SH3RF3: variants seen among roughly 807,000 people sequenced by gnomAD.
SH3RF3 encodes the protein SH3 domain containing ring finger 3.
SH3RF3 carries 29 observed loss-of-function variants against 66.3 expected under a neutral mutation model. The ratio of observed to expected loss-of-function variants is 0.44; its 90% CI spans 0.33 to 0.60. The LOEUF (loss-of-function observed/expected upper bound fraction) is 0.60, where lower values mean the gene tolerates loss of function less well. Ranked by LOEUF, SH3RF3 falls within the 20% of genes least tolerant of loss-of-function variation. SH3RF3 has a pLI of 0.04. For missense variants in SH3RF3, 1,194 were observed against 1,190.9 expected, an observed-to-expected ratio of 1.00 and a Z score of -0.04; for synonymous variants, 583 against 532.0, an observed-to-expected ratio of 1.10 and a Z score of -1.32.
intron 4 of SH3RF3, among the ~76,000 whole-genome samples, chr2:109,405,949 A>C (rs1169661602): frequency 6.6e-6 from 1 of 152,210 alleles, no homozygotes; most frequent in Non-Finnish European, 1.5e-5. Context: ...CTTGTACATA[A>C]AGCAGCATGG....
At chr2:109,381,797 T>C (rs1573206927) in intron 3 of SH3RF3, among the ~76,000 whole-genome samples, 1 of 152,154 alleles carries the variant, frequency 6.6e-6, no homozygotes, top group East Asian at 1.9e-4. Context: ...TTGGATTTTA[T>C]GGCTCGCAGG....
intron 1 of SH3RF3, among the ~76,000 whole-genome samples, chr2:109,194,389 G>C (rs975101698): frequency 1.3e-5 from 2 of 152,222 alleles, no homozygotes; most frequent in African/African-American, 4.8e-5. Flanking sequence ...GCTTCCCAGT[G>C]GGCTGGGCCT....
At chr2:109,262,762 T>C (rs1680386699) in intron 1 of SH3RF3, among the ~76,000 whole-genome samples, 1 of 152,200 alleles carries the variant, frequency 6.6e-6, no homozygotes. Context: ...TATTGGAAAA[T>C]ATATTACATT....
At chr2:109,368,885 C>T (rs556894115) in intron 2 of SH3RF3, among the ~76,000 whole-genome samples, 2 of 152,144 alleles carry the variant, frequency 1.3e-5, no homozygotes, top group Admixed American at 6.5e-5. Context: ...TATGTGACAG[C>T]GAAGCCTTAG....
At chr2:109,365,830 A>T (rs1052333513) in intron 2 of SH3RF3, among the ~76,000 whole-genome samples, 1 of 152,222 alleles carries the variant, frequency 6.6e-6, no homozygotes, top group African/African-American at 2.4e-5. Flanking sequence ...CATCGCAGGT[A>T]TCCATCCCTT....
chr2:109,461,725 A>G (rs577999269), intron 8 of SH3RF3, among the ~76,000 whole-genome samples: 2 of 152,322 alleles, frequency 1.3e-5, no homozygotes, highest in African/African-American at 4.8e-5. Flanking sequence ...TGTCTGCCAC[A>G]ATAGTGCCTC....
At chr2:109,164,779 G>T (rs1677576474) in intron 1 of SH3RF3, among the ~76,000 whole-genome samples, 1 of 152,158 alleles carries the variant, frequency 6.6e-6, no homozygotes, top group Non-Finnish European at 1.5e-5. Context: ...GCCCTGGCAA[G>T]CTGGCAAAAA....
intron 1 of SH3RF3, among the ~76,000 whole-genome samples, chr2:109,346,682 T>G (rs193290173): frequency 7.0e-4 from 106 of 152,144 alleles, no homozygotes; most frequent in Admixed American, 2.7e-3. Flanking sequence ...ATCACATCAG[T>G]TTCCGGATTC....
At chr2:109,342,504 A>AG (rs1682577278) in intron 1 of SH3RF3, among the ~76,000 whole-genome samples, 1 of 152,214 alleles carries the variant, frequency 6.6e-6, no homozygotes, top group African/African-American at 2.4e-5. Context: ...AGCCGTGACA[A>AG]GTGCTCTCCT....
chr2:109,156,051 C>T lies in SH3RF3; in HGVS notation c.573+25938C>T, dbSNP rs1039638277. Among the ~76,000 whole-genome samples, 17 of 152,218 alleles carry T rather than the reference C, an allele frequency of 1.1e-4. No homozygotes were observed. The East Asian group carries it at 1.7e-3, about 16-fold the overall frequency. On this transcript the variant is annotated intron_variant, in intron 1 of 9. Transcript: ENST00000309415. ...CATTTTGCCCCTGCCTGAAATCACCCGTACTTTGGGAAGCTGGGTCCTCTC... is the reference window on the plus strand; with the variant it reads ...CATTTTGCCCCTGCCTGAAATCACCTGTACTTTGGGAAGCTGGGTCCTCTC...
chr2:109,239,454 T>C (rs138323563), intron 1 of SH3RF3, among the ~76,000 whole-genome samples: 11 of 152,360 alleles, frequency 7.2e-5, no homozygotes, highest in African/African-American at 2.6e-4. Context: ...GCTCCTTGCC[T>C]CCAATCAAGT....
chr2:109,244,005 T>G (rs1023366857), intron 1 of SH3RF3, among the ~76,000 whole-genome samples: 4 of 152,170 alleles, frequency 2.6e-5, no homozygotes, highest in African/African-American at 9.7e-5. Context: ...TAGGTGAAGT[T>G]TTTGCCATCA....
chr2:109,411,123 G>A (rs949943749), intron 4 of SH3RF3, among the ~76,000 whole-genome samples: 1 of 152,234 alleles, frequency 6.6e-6, no homozygotes, highest in Admixed American at 6.5e-5. Context: ...TGGAGCTGGA[G>A]GCAAGGAGCC....
chr2:109,311,927 A>T (rs1681735338), intron 1 of SH3RF3, among the ~76,000 whole-genome samples: 1 of 152,068 alleles, frequency 6.6e-6, no homozygotes, highest in Non-Finnish European at 1.5e-5. Context: ...AGTGGATGAG[A>T]TGGAGTCACA....
chr2:109,191,487 T>A (rs1678362348), intron 1 of SH3RF3, among the ~76,000 whole-genome samples: 1 of 152,230 alleles, frequency 6.6e-6, no homozygotes, highest in Non-Finnish European at 1.5e-5. Flanking sequence ...GTGATTCATC[T>A]TCCATCCTCA....
At chr2:109,355,314 G>A (rs1682927260) in intron 2 of SH3RF3, among the ~76,000 whole-genome samples, 1 of 152,196 alleles carries the variant, frequency 6.6e-6, no homozygotes, top group Non-Finnish European at 1.5e-5. Flanking sequence ...GAACTTGTCT[G>A]CTTCATCTGA....
At chr2:109,480,191 C>G (rs1256228466) in intron 8 of SH3RF3, among the ~76,000 whole-genome samples, 1 of 152,194 alleles carries the variant, frequency 6.6e-6, no homozygotes, top group African/African-American at 2.4e-5. Flanking sequence ...GCGTTGTGCC[C>G]AACATCTGCA....
At chr2:109,374,588 T>A (rs1368219537) in intron 3 of SH3RF3, among the ~76,000 whole-genome samples, 1 of 152,166 alleles carries the variant, frequency 6.6e-6, no homozygotes, top group African/African-American at 2.4e-5. Context: ...AGCTTCCATC[T>A]TGGGCTACTG....
At chr2:109,257,518 G>T (rs752956258) in intron 1 of SH3RF3, among the ~76,000 whole-genome samples, 2 of 152,158 alleles carry the variant, frequency 1.3e-5, no homozygotes, top group African/African-American at 4.8e-5. Flanking sequence ...CAAGAGTCTG[G>T]CTGGGAGGTT....
Sources: allele counts gnomAD v4.1 joint callset (sites outside exome capture counted in the v4.1 genomes callset), GRCh38; gene constraint gnomAD v4.1.1; transcripts MANE v1.5; gene names NCBI Gene and HGNC (gene_info 2026-07-23, HGNC 2026-07-21).